The following PCYT2 variants were observed in gnomAD, a reference collection of about 807,000 sequenced individuals.
PCYT2 encodes the protein phosphate cytidylyltransferase 2, ethanolamine.
PCYT2 carries 33 observed loss-of-function variants against 50.0 expected under a neutral mutation model. The observed-to-expected ratio is 0.66, with a 90% CI of 0.50 to 0.88. PCYT2 has a LOEUF of 0.88. PCYT2 is among the 40% of genes least tolerant of loss of function. PCYT2 has a pLI of 0.00. For synonymous variants in PCYT2, 240 were observed against 203.7 expected, an observed-to-expected ratio of 1.18 and a Z score of -1.52; for missense variants, 430 against 519.7, an observed-to-expected ratio of 0.83 and a Z score of 1.68.
At chr17:81,906,589 A>G (rs773830176) in intron 7 of PCYT2, 43 bp from the exon 8 acceptor site, 1 of 1,596,160 alleles carries the variant, frequency 6.3e-7, no homozygotes. Context: ...GATGACAGGG[A>G]GCAGCTCCCT....
At chr17:81,909,459 C>T (rs1198595878) in intron 2 of PCYT2, 55 bp downstream of exon 2, 10 of 1,547,338 alleles carry the variant, frequency 6.5e-6, no homozygotes, top group Middle Eastern at 1.7e-4. Flanking sequence ...AGTCAACAGT[C>T]GCAACCCACA....
rs1270654412 is a variant in PCYT2 at position 81,904,947 on chromosome 17, G to A, written c.1059-3C>T. The A allele has an allele frequency of 5.6e-6, 9 of 1,611,726 alleles. No individual in the cohort carries two copies. Among genetic ancestry groups the A allele is most frequent in the Non-Finnish European group, 7.6e-6 (9 of 1,178,944 alleles). ...GGTTTCGCGCCTCATACTCCAACCT[G>A]AGAGGGCAGGGTAAGTCTAGCAGAG... On this transcript the variant is annotated splice_polypyrimidine_tract_variant and splice_region_variant and intron_variant, in intron 12 of 12. Transcript: ENST00000538936.
In PCYT2 at chr17:81,904,780, G is replaced by T; in HGVS notation, c.*53C>A. 1.6e-6 allele frequency: 2 copies of T among 1,257,590 alleles called. No homozygotes were observed. The highest frequency in any genetic ancestry group is 2.4e-5 in the East Asian group (1 of 41,948). The allele number at this position is 1,257,590 out of a possible 1,614,324, so 77.9% of individuals were successfully genotyped here. ...GCCCTGCAGAGTCCTATGTCCAAAC[G>T]CAGAAGGCGCAGAAGCAGAGCAGGG... On this transcript the variant is annotated 3_prime_UTR_variant, in exon 13 of 13. Transcript: ENST00000538936.
intron 6 of PCYT2, 150 bp downstream of exon 6, chr17:81,907,404 A>C: frequency 8.4e-7 from 1 of 1,187,334 alleles, no homozygotes. Context: ...CAGTGAGCCA[A>C]ACCTGGCAGT....
intron 2 of PCYT2, 50 bp downstream of exon 2, chr17:81,909,464 C>A (rs1046757212): frequency 1.3e-6 from 2 of 1,560,818 alleles, no homozygotes; most frequent in African/African-American, 2.7e-5. Flanking sequence ...ACAGTCGCAA[C>A]CCACAGGAGG....
At position 81,905,155 on chromosome 17, in the gene PCYT2, C is replaced by T; in HGVS notation, c.970-1G>A. On this transcript the variant is annotated splice_acceptor_variant, in intron 11 of 12. Coordinates refer to ENST00000538936, the MANE Select transcript of PCYT2 (RefSeq NM_002861.5). LOFTEE classifies it high-confidence loss of function. ...GGAAGATGCCCCTTCTCTTGGGCTC[C>T]TGGGGGTCCAGAGAGGAGGAGCGGG... is the stretch of plus-strand genomic sequence containing the variant. 8.7e-6 allele frequency: 14 copies of T among 1,611,740 alleles called. No homozygotes were observed. The highest frequency in any genetic ancestry group is 1.2e-5 in the Non-Finnish European group (14 of 1,179,094).
rs931307670 is a variant in PCYT2 at position 81,902,526 on chromosome 17, C to T, written c.*2307G>A. On this transcript the variant is annotated 3_prime_UTR_variant, in exon 13 of 13. Transcript: ENST00000538936. ...AACTGCACCCCAGGCTGCGGAGCCTCGTGAGTCCGGCGTGCCGGGGACTGA... is the reference window on the plus strand; with the variant it reads ...AACTGCACCCCAGGCTGCGGAGCCTTGTGAGTCCGGCGTGCCGGGGACTGA... 2.1e-6 allele frequency: 3 copies of T among 1,457,830 alleles called. No individual in the cohort carries two copies. Among genetic ancestry groups the T allele is most frequent in the Middle Eastern group, 1.9e-4 (1 of 5,238 alleles). 90.3% of individuals were successfully genotyped at this position (1,457,830 alleles called of 1,614,324 possible).
At chr17:81,905,942 A>G in intron 9 of PCYT2, 158 bp downstream of exon 9, 1 of 754,666 alleles carries the variant, frequency 1.3e-6, no homozygotes, top group South Asian at 1.7e-5. Flanking sequence ...CTCATGCCTC[A>G]ACAAACAGGT....
At chr17:81,909,172 A>G in intron 2 of PCYT2, 135 bp from the exon 3 acceptor site, 1 of 1,475,390 alleles carries the variant, frequency 6.8e-7, no homozygotes. Flanking sequence ...CCTGGCCCTT[A>G]GCCCACTAGT....
At chr17:81,908,703 C>G (rs2040415410) in intron 3 of PCYT2, 69 bp from the exon 4 acceptor site, 5 of 1,431,802 alleles carry the variant, frequency 3.5e-6, no homozygotes, top group South Asian at 2.3e-5. Context: ...GCCCAGGACC[C>G]TCTCGGCCCC....
At position 81,909,037 on chromosome 17, in the gene PCYT2, T is replaced by C; in HGVS notation, c.179A>G (p.Glu60Gly). 6.2e-7 allele frequency: 1 copy of C among 1,612,672 alleles called. No individual in the cohort carries two copies. The highest frequency in any genetic ancestry group is 1.1e-5 in the South Asian group (1 of 91,026). ...DYLIVGVHTD[E>G]EIAKHKGPPV... is the part of the protein sequence containing the mutation. The stretch of plus-strand genomic sequence containing the variant: ...GGGCCCCTTGTGCTTGGCGATCTCC[T>C]CTAGGAAAAGGACAACGGGGAGACT... The change falls in exon 3 of 13, where the codon GAG becomes GGG. Residue 60 changes from glutamate to glycine, a missense_variant and splice_region_variant. Around this residue, in one of 4 missense-constraint regions of PCYT2, gnomAD observed 117 missense variants for 163.9 expected, o/e 0.71. Transcript: ENST00000538936.
Position 81,902,527 on chromosome 17 carries a change from G to A in PCYT2, c.*2306C>T, listed in dbSNP as rs1048376788. On this transcript the variant is annotated 3_prime_UTR_variant, in exon 13 of 13. Transcript: ENST00000538936. The stretch of plus-strand genomic sequence containing the variant: ...ACTGCACCCCAGGCTGCGGAGCCTC[G>A]TGAGTCCGGCGTGCCGGGGACTGAT... 1.5e-5 allele frequency: 22 copies of A among 1,457,352 alleles called. No individual in the cohort carries two copies. Among genetic ancestry groups the A allele is most frequent in the Admixed American group, 2.7e-5 (1 of 36,580 alleles). The allele number at this position is 1,457,352 out of a possible 1,614,324, so 90.3% of individuals were successfully genotyped here. A position where few individuals can be genotyped will look rare whatever the true frequency, so the allele number is the denominator to read the frequency against.
chr17:81,907,776 G>A lies in PCYT2; in HGVS notation c.489C>T (p.Ser163=), dbSNP rs2040357836. 5.6e-6 allele frequency: 9 copies of A among 1,613,162 alleles called. No homozygotes were observed. The highest frequency in any genetic ancestry group is 7.6e-6 in the Non-Finnish European group (9 of 1,179,920). Reference sequence around the variant, plus strand: ...GGGGATTCCGCCGCCGACTCACCTGGCTGCTGTGATGGGCTTTGGTTACCA... The same window carrying A: ...GGGGATTCCGCCGCCGACTCACCTGACTGCTGTGATGGGCTTTGGTTACCA... ...MLLVTKAHHS[S]QEMSSEYREY... is the part of the protein sequence containing the mutation. Residue 163 remains serine (S), a synonymous_variant, in exon 5 of 13, where the codon AGC becomes AGT. Transcript: ENST00000538936.
chr17:81,905,993 C>T, intron 9 of PCYT2, 107 bp downstream of exon 9: 1 of 1,000,146 alleles, frequency 1.0e-6, no homozygotes. Flanking sequence ...GGGTGCAGCT[C>T]TGCCAGTGAC....
At position 81,902,481 on chromosome 17, in the gene PCYT2, C is replaced by T. The variant is rs2039991477; in HGVS notation, c.*2352G>A. The T allele has an allele frequency of 2.1e-6, 3 of 1,396,376 alleles. No individual in the cohort carries two copies. Among genetic ancestry groups the T allele is most frequent in the African/African-American group, 3.1e-5 (2 of 65,528 alleles). The allele number at this position is 1,396,376 out of a possible 1,614,324, so 86.5% of individuals were successfully genotyped here. On this transcript the variant is annotated 3_prime_UTR_variant, in exon 13 of 13. Coordinates refer to ENST00000538936, the MANE Select transcript of PCYT2 (RefSeq NM_002861.5). ...GAGGGGCGGAACCCCCGGGCGGGGC[C>T]GGCGCCTCCCCGGAGCTGCAACTGC...
rs1415230733 is a variant in PCYT2 at position 81,911,290 on chromosome 17, G to T, written c.66C>A (p.Ala22=). 3 of 1,130,504 alleles carry T rather than the reference G, an allele frequency of 2.7e-6. No homozygotes were observed. The highest frequency in any genetic ancestry group is 3.6e-5 in the Admixed American group (1 of 27,616). 70.0% of individuals were successfully genotyped at this position (1,130,504 alleles called of 1,614,324 possible). A position where few individuals can be genotyped will look rare whatever the true frequency, so the allele number is the denominator to read the frequency against. ...ACCAGCCATCGCACCACACCCTCAC[G>T]GCGCGCCTGCCCCCCGGGCCCGGCT... The part of the protein sequence containing the change: ...AEQPGPGGRR[A]VRVWCDGCYD... Residue 22 remains alanine (A), a synonymous_variant, in exon 1 of 13, where the codon GCC becomes GCA. Coordinates refer to ENST00000538936, the MANE Select transcript of PCYT2 (RefSeq NM_002861.5).
intron 6 of PCYT2, chr17:81,907,144 G>C (rs2040317718): frequency 7.3e-7 from 1 of 1,367,934 alleles, no homozygotes; most frequent in East Asian, 2.5e-5. Context: ...AAGGAGCCCT[G>C]TGGCAGGTGC....
intron 4 of PCYT2, 120 bp downstream of exon 4, chr17:81,908,448 G>A: frequency 2.7e-6 from 2 of 728,652 alleles, no homozygotes; most frequent in Non-Finnish European, 4.6e-6. Flanking sequence ...CTGGGCGTGA[G>A]GAACATGGCC....
rs756814592 is a variant in PCYT2, at chr17:81,909,208, C to T, written c.179-171G>A. On this transcript the variant is annotated intron_variant, in intron 2 of 12. Coordinates refer to ENST00000538936, the MANE Select transcript of PCYT2 (RefSeq NM_002861.5). ...GCTGGCCAACTGGGTGGCTCTCTTCCCTGCGAGGGTCTCAGGCAAAGGCAG... is the reference window on the plus strand; with the variant it reads ...GCTGGCCAACTGGGTGGCTCTCTTCTCTGCGAGGGTCTCAGGCAAAGGCAG... 8.1e-5 allele frequency: 116 copies of T among 1,438,516 alleles called. No homozygotes were observed. In the Middle Eastern group the frequency reaches 2.3e-3, roughly 29 times the overall value. 89.1% of individuals were successfully genotyped at this position (1,438,516 alleles called of 1,614,324 possible).
Sources: gnomAD v4.1 joint callset for allele counts on GRCh38, gnomAD v4.1.1 for gene constraint, gnomAD v4.1.1 regional missense constraint, MANE v1.5 for transcripts, NCBI Gene and HGNC (gene_info 2026-07-23, HGNC 2026-07-21) for gene names.